Variants in ROBO2 observed in about 807,000 individuals in gnomAD.
The protein encoded by ROBO2 is roundabout guidance receptor 2.
Under a neutral mutation model 160.8 loss-of-function variants are expected in ROBO2, and 53 were observed. The observed-to-expected ratio is 0.33, with a 90% confidence interval of 0.26 to 0.41. The LOEUF is 0.41. Ranked by LOEUF, ROBO2 falls within the 10% of genes least tolerant of loss-of-function variation. ROBO2 has a pLI of 1.00. For synonymous variants in ROBO2, 664 were observed against 611.7 expected, an observed-to-expected ratio of 1.09 and a Z score of -1.26; for missense variants, 1,577 against 1,722.4, an observed-to-expected ratio of 0.92 and a Z score of 1.49.
At chr3:77,598,497 A>C (rs1263530669) in intron 19 of ROBO2, among the ~76,000 whole-genome samples, 1 of 137,978 alleles carries the variant, frequency 7.2e-6, no homozygotes, top group Non-Finnish European at 1.5e-5. Flanking sequence ...GTATATATAT[A>C]TATATACGCA....
intron 2 of ROBO2, among the ~76,000 whole-genome samples, chr3:76,772,087 C>G (rs1342145779): frequency 6.6e-6 from 1 of 151,280 alleles, no homozygotes; most frequent in Non-Finnish European, 1.5e-5. Context: ...TGTGCTGATT[C>G]TTTTCAGGGC....
intron 2 of ROBO2, among the ~76,000 whole-genome samples, chr3:77,359,275 A>C (rs1440796051): frequency 6.6e-6 from 1 of 152,194 alleles, no homozygotes; most frequent in Non-Finnish European, 1.5e-5. Context: ...TGGAAAATGC[A>C]TCTCTGTGTG....
At chr3:76,338,771 T>C (rs907645011) in intron 2 of ROBO2, among the ~76,000 whole-genome samples, 1 of 150,822 alleles carries the variant, frequency 6.6e-6, no homozygotes, top group African/African-American at 2.4e-5. Context: ...CAAATTTATT[T>C]TGTTATATAT....
intron 2 of ROBO2, among the ~76,000 whole-genome samples, chr3:76,622,231 G>GAAAGAA (rs1391088473): frequency 8.3e-5 from 3 of 36,336 alleles, no homozygotes; most frequent in Admixed American, 4.1e-4. Flanking sequence ...AGGAAGGAAG[G>GAAAGAA]AAGGAAGAAA....
chr3:77,234,972 G>GAT (rs1047564340), intron 2 of ROBO2, among the ~76,000 whole-genome samples: 3 of 151,996 alleles, frequency 2.0e-5, no homozygotes, highest in Admixed American at 6.6e-5. Context: ...GCATTGTGAA[G>GAT]ATATATATAT....
intron 2 of ROBO2, among the ~76,000 whole-genome samples, chr3:77,107,837 CG>C (rs1372605026): frequency 6.6e-6 from 1 of 152,054 alleles, no homozygotes; most frequent in African/African-American, 2.4e-5. Flanking sequence ...TTGGAATAAA[CG>C]TTACAGTATC....
intron 2 of ROBO2, among the ~76,000 whole-genome samples, chr3:76,910,954 T>G (rs2075958857): frequency 6.6e-6 from 1 of 152,082 alleles, no homozygotes; most frequent in Admixed American, 6.6e-5. Context: ...ACTTAAATAC[T>G]CTCCACAAAA....
intron 2 of ROBO2, among the ~76,000 whole-genome samples, chr3:76,789,104 A>G (rs2063181768): frequency 6.6e-6 from 1 of 151,496 alleles, no homozygotes; most frequent in Non-Finnish European, 1.5e-5. Flanking sequence ...TTAGGAGGAA[A>G]TCACCTCATT....
intron 2 of ROBO2, among the ~76,000 whole-genome samples, chr3:76,472,114 C>A (rs562913563): frequency 7.1e-6 from 1 of 141,366 alleles, no homozygotes; most frequent in African/African-American, 2.6e-5. Context: ...CGTGTGCGTG[C>A]GCATGTGTAT....
intron 2 of ROBO2, among the ~76,000 whole-genome samples, chr3:76,543,283 T>C (rs1312188847): frequency 6.6e-6 from 1 of 152,108 alleles, no homozygotes; most frequent in African/African-American, 2.4e-5. Flanking sequence ...TATTTGAAGA[T>C]AAAGGAGTAA....
intron 2 of ROBO2, among the ~76,000 whole-genome samples, chr3:76,028,915 A>C (rs1011965817): frequency 6.6e-6 from 1 of 151,940 alleles, no homozygotes; most frequent in African/African-American, 2.4e-5. Flanking sequence ...TGGCATTCCA[A>C]CTCTGCTGTG....
At chr3:77,622,823 C>T (rs1053973866) in intron 23 of ROBO2, among the ~76,000 whole-genome samples, 1 of 152,126 alleles carries the variant, frequency 6.6e-6, no homozygotes, top group African/African-American at 2.4e-5. Flanking sequence ...ATATTTCACT[C>T]TGTAAAATCA....
chr3:77,199,007 A>G (rs1178993436), intron 2 of ROBO2, among the ~76,000 whole-genome samples: 2 of 152,212 alleles, frequency 1.3e-5, no homozygotes, highest in Admixed American at 1.3e-4. Context: ...CCCTACCCTC[A>G]AAGATTCCAG....
intron 13 of ROBO2, among the ~76,000 whole-genome samples, chr3:77,573,061 C>A (rs1489685253): frequency 6.6e-6 from 1 of 151,876 alleles, no homozygotes; most frequent in Non-Finnish European, 1.5e-5. Context: ...TATTCCATTT[C>A]TTTTCCATTA....
chr3:76,816,795 C>CAATA (rs1421098224), intron 2 of ROBO2, among the ~76,000 whole-genome samples: 1 of 151,928 alleles, frequency 6.6e-6, no homozygotes, highest in Non-Finnish European at 1.5e-5. Flanking sequence ...GCACTATTCA[C>CAATA]AATAGCAAAG....
chr3:76,814,593 G>GTT (rs67452718), intron 2 of ROBO2, among the ~76,000 whole-genome samples: 215 of 151,446 alleles, frequency 1.4e-3, no homozygotes, highest in African/African-American at 4.1e-3. Flanking sequence ...AAAAGGATCG[G>GTT]TTTTTTTTGT....
At chr3:77,041,419 A>C (rs1247313869) in intron 1 of ROBO2, among the ~76,000 whole-genome samples, 1 of 152,202 alleles carries the variant, frequency 6.6e-6, no homozygotes, top group Non-Finnish European at 1.5e-5. Context: ...CGAAGGGGGA[A>C]GCATCAGCTA....
At chr3:76,884,745 A>C (rs2148772795) in intron 2 of ROBO2, among the ~76,000 whole-genome samples, 1 of 152,142 alleles carries the variant, frequency 6.6e-6, no homozygotes, top group East Asian at 1.9e-4. Flanking sequence ...TTTTTAATTA[A>C]ATTTTATTAA....
chr3:76,211,170 T>C (rs1703122956), intron 2 of ROBO2, among the ~76,000 whole-genome samples: 2 of 152,100 alleles, frequency 1.3e-5, no homozygotes, highest in South Asian at 4.1e-4. Flanking sequence ...ATAAAGCGCT[T>C]CAGGAGCCAT....
Sources: allele counts gnomAD v4.1 joint callset (sites outside exome capture counted in the v4.1 genomes callset), GRCh38; gene constraint gnomAD v4.1.1; transcripts MANE v1.5; gene names NCBI Gene and HGNC (gene_info 2026-07-23, HGNC 2026-07-21).